Variants in SPAG16 observed in about 807,000 individuals in gnomAD.
The protein encoded by SPAG16 is sperm-associated antigen 16 protein.
Under a neutral mutation model 80.4 loss-of-function variants are expected in SPAG16, and 86 were observed. That is an observed-to-expected ratio of 1.07 (90% CI 0.90 to 1.28). The LOEUF (loss-of-function observed/expected upper bound fraction) is 1.28, where lower values mean the gene tolerates loss of function less well. Among genes scored for constraint, SPAG16 ranks in the 50% most tolerant of loss-of-function variants. The pLI is 0.00. For synonymous variants in SPAG16, 294 were observed against 265.9 expected, an observed-to-expected ratio of 1.11 and a Z score of -1.03; for missense variants, 870 against 765.3, an observed-to-expected ratio of 1.14 and a Z score of -1.61.
At chr2:213,913,618 T>C (rs375101011) in intron 11 of SPAG16, among the ~76,000 whole-genome samples, 23 of 15,840 alleles carry the variant, frequency 1.5e-3, no homozygotes, top group South Asian at 9.1e-3. Flanking sequence ...TACATATATG[T>C]ATATGTACAT....
rs757953981 is a variant in SPAG16, at chr2:213,342,432, A to G, written c.644+2162A>G. 6.3e-4 allele frequency among the ~76,000 whole-genome samples: 94 copies of G among 149,676 alleles called. 1 individual carries two copies. Among genetic ancestry groups the G allele is most frequent in the Non-Finnish European group, 1.1e-3 (76 of 67,502 alleles). On this transcript the variant is annotated intron_variant, in intron 6 of 15. Transcript: ENST00000331683. The stretch of plus-strand genomic sequence containing the variant: ...ATCAGAAAGGAGGATAGAACTGTAC[A>G]TACTACCTAAATTTTTATTTTTGTT...
intron 13 of SPAG16, among the ~76,000 whole-genome samples, chr2:214,026,241 T>G (rs2048124054): frequency 6.9e-6 from 1 of 144,690 alleles, no homozygotes; most frequent in Non-Finnish European, 1.6e-5. Context: ...TACATACACA[T>G]ATTATATTAT....
At chr2:213,526,270 A>G (rs1321294854) in intron 10 of SPAG16, among the ~76,000 whole-genome samples, 2 of 152,178 alleles carry the variant, frequency 1.3e-5, no homozygotes, top group East Asian at 3.8e-4. Flanking sequence ...AATATTTAGT[A>G]TTTACACAAT....
intron 15 of SPAG16, among the ~76,000 whole-genome samples, chr2:214,205,642 A>G (rs1256029507): frequency 1.3e-5 from 2 of 152,176 alleles, no homozygotes; most frequent in East Asian, 1.9e-4. Context: ...AAACCCATAA[A>G]TAAAAATAAA....
intron 10 of SPAG16, among the ~76,000 whole-genome samples, chr2:213,798,630 C>T (rs2071191403): frequency 6.6e-6 from 1 of 152,046 alleles, no homozygotes; most frequent in African/African-American, 2.4e-5. Flanking sequence ...ATCACTTGTA[C>T]TTTTAATACA....
intron 10 of SPAG16, among the ~76,000 whole-genome samples, chr2:213,787,814 A>G (rs1341601188): frequency 6.6e-6 from 1 of 152,052 alleles, no homozygotes; most frequent in Non-Finnish European, 1.5e-5. Flanking sequence ...ATACTATGAA[A>G]TAAAATTTTA....
intron 15 of SPAG16, among the ~76,000 whole-genome samples, chr2:214,337,999 C>G (rs778363032): frequency 6.6e-6 from 1 of 151,966 alleles, no homozygotes; most frequent in Non-Finnish European, 1.5e-5. Context: ...AGATATTTAT[C>G]TAAACTGGCG....
At chr2:213,407,805 CAGAGAGAGAGAGAGGAGAGAGGCAGAG>C (rs2068723679) in intron 9 of SPAG16, among the ~76,000 whole-genome samples, 1 of 90,084 alleles carries the variant, frequency 1.1e-5, no homozygotes, top group Non-Finnish European at 2.1e-5. Flanking sequence ...ACAGGAGAGG[CAGAGAGAGAGAGAGGAGAGAGGCAGAG>C]AGAGAGAGAC....
rs142286594 is a variant in SPAG16 at position 213,338,273 on chromosome 2, C to T, written c.537-1890C>T. ...GCCACTACAAAAACACACTGAAGTACACAGACCAGTGACAATATGAGGCAA... is the reference window on the plus strand; with the variant it reads ...GCCACTACAAAAACACACTGAAGTATACAGACCAGTGACAATATGAGGCAA... On this transcript the variant is annotated intron_variant, in intron 5 of 15. Coordinates refer to ENST00000331683, the MANE Select transcript of SPAG16 (RefSeq NM_024532.5). Among the ~76,000 whole-genome samples the T allele has an allele frequency of 3.9e-3, 591 of 152,270 alleles. 5 individuals carry two copies. Among genetic ancestry groups the T allele is most frequent in the Non-Finnish European group, 6.0e-3 (407 of 68,010 alleles).
chr2:213,973,599 A>AT (rs1214575632), intron 12 of SPAG16, among the ~76,000 whole-genome samples: 2 of 151,360 alleles, frequency 1.3e-5, no homozygotes, highest in East Asian at 3.9e-4. Context: ...GCGAGTAAGA[A>AT]TGCCACAATT....
intron 10 of SPAG16, among the ~76,000 whole-genome samples, chr2:213,520,668 C>T (rs1022266547): frequency 6.6e-6 from 1 of 152,182 alleles, no homozygotes; most frequent in Non-Finnish European, 1.5e-5. Context: ...CCCTAGGAGA[C>T]TACTACTGTG....
At chr2:214,306,704 A>G (rs1365739731) in intron 15 of SPAG16, among the ~76,000 whole-genome samples, 2 of 151,952 alleles carry the variant, frequency 1.3e-5, no homozygotes, top group Non-Finnish European at 2.9e-5. Context: ...TTGAACTTGC[A>G]TGCATCTCAG....
At chr2:213,391,997 G>A (rs1008864018) in intron 9 of SPAG16, among the ~76,000 whole-genome samples, 2 of 152,122 alleles carry the variant, frequency 1.3e-5, no homozygotes, top group African/African-American at 4.8e-5. Context: ...ACAACTCTCA[G>A]TTTCTTTAGG....
At chr2:213,871,928 G>A (rs2075969813) in intron 11 of SPAG16, among the ~76,000 whole-genome samples, 1 of 149,886 alleles carries the variant, frequency 6.7e-6, no homozygotes, top group Non-Finnish European at 1.5e-5. Flanking sequence ...AACCTTAGAA[G>A]GAAGCCTGAT....
chr2:213,894,917 A>G (rs2076929394), intron 11 of SPAG16, among the ~76,000 whole-genome samples: 1 of 139,920 alleles, frequency 7.1e-6, no homozygotes, highest in Admixed American at 7.8e-5. Flanking sequence ...TGAACCTAGG[A>G]GGCAGAAGTT....
intron 15 of SPAG16, among the ~76,000 whole-genome samples, chr2:214,248,595 G>C (rs753042684): frequency 6.6e-6 from 1 of 152,062 alleles, no homozygotes; most frequent in Non-Finnish European, 1.5e-5. Context: ...GGGATTACAG[G>C]TGTGAGCCAC....
chr2:213,384,032 G>C (rs1329771160), intron 9 of SPAG16, among the ~76,000 whole-genome samples: 1 of 152,194 alleles, frequency 6.6e-6, no homozygotes, highest in Non-Finnish European at 1.5e-5. Flanking sequence ...ATATCAGGTA[G>C]AACAGTTGCA....
intron 10 of SPAG16, among the ~76,000 whole-genome samples, chr2:213,616,980 T>C (rs549017993): frequency 1.3e-5 from 2 of 152,282 alleles, no homozygotes; most frequent in African/African-American, 4.8e-5. Context: ...TCTGGATGGA[T>C]GCTCGCCGTT....
At chr2:214,094,884 A>C (rs1276006494) in intron 13 of SPAG16, among the ~76,000 whole-genome samples, 1 of 152,034 alleles carries the variant, frequency 6.6e-6, no homozygotes, top group Non-Finnish European at 1.5e-5. Flanking sequence ...TCCCAGGTGC[A>C]TCATCCACAC....
Sources: gnomAD v4.1 joint callset for allele counts (sites outside exome capture counted in the v4.1 genomes callset) on GRCh38, gnomAD v4.1.1 for gene constraint, MANE v1.5 for transcripts, NCBI Gene and HGNC (gene_info 2026-07-23, HGNC 2026-07-21) for gene names.